NPAS3: variants seen among roughly 807,000 people sequenced by gnomAD.
The protein encoded by NPAS3 is neuronal PAS domain-containing protein 3.
A neutral mutation model predicts 73.1 loss-of-function variants in NPAS3; 14 were observed. The ratio of observed to expected loss-of-function variants is 0.19; its 90% CI spans 0.13 to 0.30. NPAS3 has a LOEUF of 0.30. Ranked by LOEUF, NPAS3 falls within the 10% of genes least tolerant of loss-of-function variation. NPAS3 has a pLI of 1.00. For synonymous variants in NPAS3, 620 were observed against 541.5 expected, an observed-to-expected ratio of 1.14 and a Z score of -2.01; for missense variants, 1,096 against 1,250.0, an observed-to-expected ratio of 0.88 and a Z score of 1.86.
At chr14:33,228,247 TCTTAA>T (rs1461347294) in intron 3 of NPAS3, among the ~76,000 whole-genome samples, 2 of 152,192 alleles carry the variant, frequency 1.3e-5, no homozygotes. Flanking sequence ...ATGTAAAAAG[TCTTAA>T]CTTGTATCAT....
At chr14:33,231,177 T>A (rs1033807498) in intron 3 of NPAS3, among the ~76,000 whole-genome samples, 6 of 152,232 alleles carry the variant, frequency 3.9e-5, no homozygotes, top group Non-Finnish European at 7.3e-5. Context: ...CAATTGTTTA[T>A]AAAATATTTT....
At chr14:33,300,682 G>T (rs1447746848) in intron 3 of NPAS3, among the ~76,000 whole-genome samples, 1 of 152,156 alleles carries the variant, frequency 6.6e-6, no homozygotes, top group African/African-American at 2.4e-5. Flanking sequence ...ATAGAGCAGG[G>T]GAGAGGCTCT....
At chr14:33,257,037 T>TA (rs907437271) in intron 3 of NPAS3, among the ~76,000 whole-genome samples, 3 of 152,164 alleles carry the variant, frequency 2.0e-5, no homozygotes, top group African/African-American at 7.2e-5. Context: ...TGGATCCACT[T>TA]AGAGTTCCTT....
At chr14:33,343,855 G>A (rs1467869878) in intron 3 of NPAS3, among the ~76,000 whole-genome samples, 1 of 141,208 alleles carries the variant, frequency 7.1e-6, no homozygotes, top group Non-Finnish European at 1.6e-5. Flanking sequence ...CCAGGACCTA[G>A]GTCTGCTCTG....
At chr14:33,694,752 A>G (rs943986025) in intron 6 of NPAS3, among the ~76,000 whole-genome samples, 11 of 152,196 alleles carry the variant, frequency 7.2e-5, no homozygotes, top group African/African-American at 2.7e-4. Flanking sequence ...CAATTTCCTT[A>G]TAGTCAAAAC....
chr14:33,361,559 T>C (rs1343127550), intron 3 of NPAS3, among the ~76,000 whole-genome samples: 1 of 152,244 alleles, frequency 6.6e-6, no homozygotes, highest in Non-Finnish European at 1.5e-5. Flanking sequence ...CACAGTCGCC[T>C]CATCCCTAAT....
At chr14:33,349,537 G>A (rs1025366524) in intron 3 of NPAS3, among the ~76,000 whole-genome samples, 1 of 152,124 alleles carries the variant, frequency 6.6e-6, no homozygotes, top group Non-Finnish European at 1.5e-5. Context: ...ATTCTAAGAA[G>A]TGATTTTTCA....
intron 5 of NPAS3, among the ~76,000 whole-genome samples, chr14:33,670,226 G>A (rs1353726216): frequency 6.6e-6 from 1 of 152,190 alleles, no homozygotes; most frequent in Non-Finnish European, 1.5e-5. Context: ...TCTAAGGGAA[G>A]CCTCTGTTAA....
chr14:33,126,356 C>T (rs1016883614), intron 2 of NPAS3, among the ~76,000 whole-genome samples: 2 of 152,102 alleles, frequency 1.3e-5, no homozygotes, highest in Admixed American at 1.3e-4. Context: ...AAATGGATGC[C>T]GTTCCTGTGT....
At chr14:33,577,463 G>A (rs1330638426) in intron 5 of NPAS3, among the ~76,000 whole-genome samples, 13 of 152,130 alleles carry the variant, frequency 8.5e-5, no homozygotes, top group African/African-American at 2.2e-4. Context: ...TTCAGAGCAC[G>A]TTCCTATACC....
At chr14:33,696,537 G>A (rs546136154) in intron 6 of NPAS3, among the ~76,000 whole-genome samples, 62 of 152,202 alleles carry the variant, frequency 4.1e-4, no homozygotes, top group Non-Finnish European at 2.1e-4. Flanking sequence ...TATTCTTTGG[G>A]GTTTGTCTTG....
chr14:33,605,179 A>G (rs1428057893), intron 5 of NPAS3, among the ~76,000 whole-genome samples: 1 of 152,054 alleles, frequency 6.6e-6, no homozygotes, highest in African/African-American at 2.4e-5. Flanking sequence ...TCAGCTAAGT[A>G]GGAATAAAAT....
intron 1 of NPAS3, among the ~76,000 whole-genome samples, chr14:32,955,084 A>T (rs1431974824): frequency 1.3e-5 from 2 of 152,086 alleles, no homozygotes; most frequent in Admixed American, 1.3e-4. Context: ...ATAAGTTGTT[A>T]TTGTAGCTCA....
chr14:33,497,541 A>G (rs1179108756), intron 4 of NPAS3, among the ~76,000 whole-genome samples: 5 of 152,036 alleles, frequency 3.3e-5, no homozygotes, highest in Non-Finnish European at 7.4e-5. Context: ...CAGAAATAAT[A>G]CCACACATCT....
intron 2 of NPAS3, among the ~76,000 whole-genome samples, chr14:33,122,928 G>A (rs973326961): frequency 6.6e-6 from 1 of 151,996 alleles, no homozygotes; most frequent in African/African-American, 2.4e-5. Flanking sequence ...AGAATAAAAA[G>A]GTTTTCAGTT....
At chr14:32,975,333 C>G (rs114529092) in intron 1 of NPAS3, among the ~76,000 whole-genome samples, 2 of 31,860 alleles carry the variant, frequency 6.3e-5, no homozygotes, top group South Asian at 2.5e-3. Context: ...TGCCTCCTTC[C>G]CTTTTTAGAC....
In NPAS3 at chr14:33,522,218, G is replaced by A. The variant is rs150737512; in HGVS notation, c.469-37903G>A. Among the ~76,000 whole-genome samples the A allele has an allele frequency of 5.2e-4, 79 of 152,248 alleles. 1 individual carries two copies. Among genetic ancestry groups the A allele is most frequent in the African/African-American group, 1.4e-3 (59 of 41,562 alleles). ...GAGGACAGTTTCTTCAGAAATTCAC[G>A]TGACACGTGATATCATTTCAGGGGA... On this transcript the variant is annotated intron_variant, in intron 4 of 11. Transcript: ENST00000356141.
intron 1 of NPAS3, among the ~76,000 whole-genome samples, chr14:32,952,209 C>A (rs1399484120): frequency 9.2e-5 from 14 of 151,996 alleles, no homozygotes; most frequent in Admixed American, 9.2e-4. Context: ...TATTGTTCCC[C>A]AAAGAAATAC....
At chr14:33,130,049 C>T (rs1385379687) in intron 2 of NPAS3, among the ~76,000 whole-genome samples, 1 of 152,118 alleles carries the variant, frequency 6.6e-6, no homozygotes, top group Non-Finnish European at 1.5e-5. Context: ...GACAGAAGTG[C>T]TACTGTTTGC....
Sources: allele counts gnomAD v4.1 joint callset (sites outside exome capture counted in the v4.1 genomes callset), GRCh38; gene constraint gnomAD v4.1.1; transcripts MANE v1.5; gene names NCBI Gene and HGNC (gene_info 2026-07-23, HGNC 2026-07-21).